SDK1: variants seen among roughly 807,000 people sequenced by gnomAD.
The protein encoded by SDK1 is sidekick cell adhesion molecule 1.
In SDK1, 157 loss-of-function variants were observed where a neutral mutation model predicts 245.5. The observed-to-expected ratio is 0.64, with a 90% CI of 0.56 to 0.73. SDK1 has a LOEUF of 0.73. SDK1 is among the 30% of genes least tolerant of loss of function. The pLI is 0.00. For synonymous variants in SDK1, 1,647 were observed against 1,278.5 expected (o/e 1.29, Z -6.15); for missense variants, 3,583 against 3,002.3 (o/e 1.19, Z -4.52).
intron 4 of SDK1, among the ~76,000 whole-genome samples, chr7:3,706,485 T>TCC (rs751830656): frequency 1.3e-5 from 2 of 152,204 alleles, no homozygotes; most frequent in Non-Finnish European, 2.9e-5. Flanking sequence ...CACTACAAGC[T>TCC]CCGCCTCCTG....
chr7:4,163,984 A>G (rs760547037), intron 32 of SDK1, among the ~76,000 whole-genome samples: 3 of 152,118 alleles, frequency 2.0e-5, no homozygotes, highest in Non-Finnish European at 4.4e-5. Flanking sequence ...ATCTCCTTCA[A>G]GTGTCCATGG....
intron 4 of SDK1, among the ~76,000 whole-genome samples, chr7:3,653,948 C>T (rs1306443771): frequency 2.6e-5 from 4 of 152,052 alleles, no homozygotes; most frequent in African/African-American, 4.8e-5. Context: ...AGTGGTTTGC[C>T]AAGTAATGTT....
intron 1 of SDK1, among the ~76,000 whole-genome samples, chr7:3,520,543 TCTTA>T (rs971304403): frequency 1.3e-5 from 2 of 152,206 alleles, no homozygotes; most frequent in African/African-American, 2.4e-5. Flanking sequence ...AATATAAATC[TCTTA>T]CTTATATCAA....
chr7:3,730,603 C>A (rs1779148402), intron 4 of SDK1, among the ~76,000 whole-genome samples: 1 of 152,110 alleles, frequency 6.6e-6, no homozygotes, highest in Non-Finnish European at 1.5e-5. Flanking sequence ...GATGAGGTCA[C>A]AAATGGCTTT....
chr7:3,761,493 G>A (rs1028885575), intron 4 of SDK1, among the ~76,000 whole-genome samples: 1 of 150,644 alleles, frequency 6.6e-6, no homozygotes, highest in African/African-American at 2.4e-5. Flanking sequence ...GGCGGAGCTT[G>A]CAGTGAGCCG....
intron 27 of SDK1, chr7:4,130,338 G>A (rs936740564): frequency 2.6e-5 from 14 of 541,360 alleles, no homozygotes; most frequent in African/African-American, 3.9e-5. Flanking sequence ...TAACTCTGCC[G>A]TGGGCAGTGC....
chr7:4,021,132 C>G (rs1351476102), intron 17 of SDK1, among the ~76,000 whole-genome samples: 1 of 152,110 alleles, frequency 6.6e-6, no homozygotes, highest in East Asian at 1.9e-4. Context: ...GGCCCTGACC[C>G]CGAGGGTAGG....
At chr7:3,492,450 C>G (rs1005808076) in intron 1 of SDK1, among the ~76,000 whole-genome samples, 2 of 152,198 alleles carry the variant, frequency 1.3e-5, no homozygotes, top group African/African-American at 4.8e-5. Context: ...GCCGAGATCA[C>G]GCCACCACAC....
intron 4 of SDK1, among the ~76,000 whole-genome samples, chr7:3,762,474 G>A (rs959161077): frequency 6.6e-6 from 1 of 152,190 alleles, no homozygotes; most frequent in Non-Finnish European, 1.5e-5. Context: ...AAACATGCAT[G>A]GTATTTTTGT....
At chr7:4,138,507 A>G (rs1779243107) in intron 28 of SDK1, among the ~76,000 whole-genome samples, 3 of 152,104 alleles carry the variant, frequency 2.0e-5, no homozygotes, top group African/African-American at 7.2e-5. Flanking sequence ...GCACTTTGGG[A>G]GGCTGAGAAG....
intron 35 of SDK1, among the ~76,000 whole-genome samples, chr7:4,193,161 A>T (rs953812147): frequency 4.3e-4 from 58 of 135,022 alleles, no homozygotes; most frequent in African/African-American, 1.6e-3. Context: ...TATAATATAT[A>T]TTAAAATATT....
intron 1 of SDK1, among the ~76,000 whole-genome samples, chr7:3,464,054 G>A (rs1007236988): frequency 1.7e-4 from 26 of 152,142 alleles, no homozygotes; most frequent in African/African-American, 5.5e-4. Context: ...AATCAAAATC[G>A]TTGTATATTT....
At chr7:3,516,478 A>G (rs1466938221) in intron 1 of SDK1, among the ~76,000 whole-genome samples, 1 of 152,110 alleles carries the variant, frequency 6.6e-6, no homozygotes, top group East Asian at 1.9e-4. Flanking sequence ...TGTTCTACTT[A>G]AAGAGCTATT....
chr7:3,516,627 C>G (rs1234571068), intron 1 of SDK1, among the ~76,000 whole-genome samples: 8 of 152,108 alleles, frequency 5.3e-5, no homozygotes, highest in Non-Finnish European at 1.0e-4. Flanking sequence ...AGTATTTTCA[C>G]AAAATGCTTT....
intron 44 of SDK1, among the ~76,000 whole-genome samples, chr7:4,262,389 G>A (rs1487852611): frequency 1.3e-5 from 2 of 151,494 alleles, no homozygotes; most frequent in Non-Finnish European, 2.9e-5. Context: ...ATAGAGGTTT[G>A]CTTTCAGAAA....
intron 4 of SDK1, among the ~76,000 whole-genome samples, chr7:3,653,116 T>C (rs932403123): frequency 6.6e-6 from 1 of 152,140 alleles, no homozygotes; most frequent in African/African-American, 2.4e-5. Flanking sequence ...TTGTGTGGGG[T>C]GAGCTTGAAT....
intron 8 of SDK1, among the ~76,000 whole-genome samples, chr7:3,960,439 C>G (rs573335635): frequency 6.6e-6 from 1 of 152,374 alleles, no homozygotes; most frequent in East Asian, 1.9e-4. Flanking sequence ...TGCCATTTGT[C>G]CATACCTGCA....
At chr7:3,736,476 G>A (rs1373920098) in intron 4 of SDK1, among the ~76,000 whole-genome samples, 1 of 152,048 alleles carries the variant, frequency 6.6e-6, no homozygotes, top group African/African-American at 2.4e-5. Context: ...GTTTCACCGT[G>A]TTAGCCAGGA....
At chr7:4,140,089 T>G (rs660834) in intron 28 of SDK1, among the ~76,000 whole-genome samples, 1 of 152,056 alleles carries the variant, frequency 6.6e-6, no homozygotes, top group Non-Finnish European at 1.5e-5. Context: ...ACCACCTCCC[T>G]GGGAGCACAC....
Sources: gnomAD v4.1 joint callset for allele counts (sites outside exome capture counted in the v4.1 genomes callset) on GRCh38, gnomAD v4.1.1 for gene constraint, MANE v1.5 for transcripts, NCBI Gene and HGNC (gene_info 2026-07-23, HGNC 2026-07-21) for gene names.